The following SLC17A8 variants were observed in gnomAD, a reference collection of about 807,000 sequenced individuals.
SLC17A8 encodes vesicular glutamate transporter 3.
Under a neutral mutation model 58.0 loss-of-function variants are expected in SLC17A8, and 31 were observed. That is an observed-to-expected ratio of 0.53 (90% CI 0.40 to 0.72). The LOEUF (loss-of-function observed/expected upper bound fraction) is 0.72. Ranked by LOEUF, SLC17A8 falls within the 30% of genes least tolerant of loss-of-function variation. SLC17A8 has a pLI of 0.00. For missense variants in SLC17A8, 655 were observed against 727.8 expected (o/e 0.90, Z 1.15); for synonymous variants, 228 against 249.0 (o/e 0.92, Z 0.79).
At chr12:100,391,960 G>A (rs76282641) in intron 3 of SLC17A8, among the ~76,000 whole-genome samples, 2,223 of 152,172 alleles carry the variant, frequency 0.015, 57 homozygotes, top group African/African-American at 0.051. Flanking sequence ...ACTCTGTAGT[G>A]GGTGTTTGAG....
chr12:100,404,757 ATTATT>A (rs1952815089), intron 9 of SLC17A8, among the ~76,000 whole-genome samples: 2 of 152,216 alleles, frequency 1.3e-5, no homozygotes, highest in South Asian at 4.1e-4. Context: ...TTCTACATAC[ATTATT>A]TTATTTAATC....
intron 4 of SLC17A8, among the ~76,000 whole-genome samples, chr12:100,395,480 T>A (rs1194006831): frequency 6.6e-6 from 1 of 152,034 alleles, no homozygotes; most frequent in African/African-American, 2.4e-5. Context: ...CACATGCCAC[T>A]GCACCCGGCT....
intron 1 of SLC17A8, among the ~76,000 whole-genome samples, chr12:100,359,611 CT>C (rs1349696562): frequency 6.6e-6 from 1 of 152,116 alleles, no homozygotes; most frequent in Non-Finnish European, 1.5e-5. Context: ...GGTCAAATCC[CT>C]TTTTTCAGTG....
intron 5 of SLC17A8, 101 bp downstream of exon 5, chr12:100,396,518 G>A (rs1403804828): frequency 9.2e-6 from 8 of 869,998 alleles, no homozygotes; most frequent in Non-Finnish European, 1.5e-5. Context: ...GGAGGCCGAG[G>A]CAGGAGGATC....
chr12:100,375,367 A>T (rs942705176), intron 1 of SLC17A8, among the ~76,000 whole-genome samples: 4 of 151,952 alleles, frequency 2.6e-5, no homozygotes, highest in East Asian at 1.9e-4. Context: ...TGTAGGAGAG[A>T]GGGAAGGAAG....
At chr12:100,402,967 A>G (rs572339473) in intron 8 of SLC17A8, among the ~76,000 whole-genome samples, 6 of 152,312 alleles carry the variant, frequency 3.9e-5, no homozygotes, top group African/African-American at 1.4e-4. Context: ...GCTGCTTTAA[A>G]GATTTATGTT....
intron 1 of SLC17A8, among the ~76,000 whole-genome samples, chr12:100,380,283 A>G (rs1952625839): frequency 6.6e-6 from 1 of 151,652 alleles, no homozygotes; most frequent in South Asian, 2.1e-4. Flanking sequence ...AAAGTCTGTC[A>G]ATGCTCTTTC....
At chr12:100,360,434 T>C (rs1952477125) in intron 1 of SLC17A8, among the ~76,000 whole-genome samples, 1 of 152,152 alleles carries the variant, frequency 6.6e-6, no homozygotes, top group Non-Finnish European at 1.5e-5. Flanking sequence ...TTACTATAAT[T>C]ACAACTTTTC....
chr12:100,409,167 AT>A (rs1952848005), intron 9 of SLC17A8, among the ~76,000 whole-genome samples: 2 of 151,482 alleles, frequency 1.3e-5, no homozygotes, highest in African/African-American at 2.4e-5. Flanking sequence ...GTATGTATGT[AT>A]GTATGTATGT....
At chr12:100,376,335 T>C (rs1291132999) in intron 1 of SLC17A8, among the ~76,000 whole-genome samples, 1 of 152,160 alleles carries the variant, frequency 6.6e-6, no homozygotes, top group Non-Finnish European at 1.5e-5. Flanking sequence ...CATCTCTCAG[T>C]CCAGAGTCCA....
At chr12:100,409,476 A>T (rs751337007) in intron 9 of SLC17A8, among the ~76,000 whole-genome samples, 1 of 152,206 alleles carries the variant, frequency 6.6e-6, no homozygotes, top group Non-Finnish European at 1.5e-5. Flanking sequence ...GTGCACCACC[A>T]TGCCTGGCCA....
At chr12:100,370,675 T>C (rs1185685878) in intron 1 of SLC17A8, among the ~76,000 whole-genome samples, 1 of 147,208 alleles carries the variant, frequency 6.8e-6, no homozygotes, top group Non-Finnish European at 1.5e-5. Context: ...AAACAAAACA[T>C]GGCTATGGGC....
chr12:100,363,332 C>T (rs1421873659), intron 1 of SLC17A8, among the ~76,000 whole-genome samples: 5 of 152,122 alleles, frequency 3.3e-5, no homozygotes, highest in Non-Finnish European at 7.3e-5. Flanking sequence ...GTGTGTTCTG[C>T]CCACTGGGCA....
At chr12:100,409,514 T>G (rs1393518736) in intron 9 of SLC17A8, among the ~76,000 whole-genome samples, 1 of 152,172 alleles carries the variant, frequency 6.6e-6, no homozygotes, top group Non-Finnish European at 1.5e-5. Flanking sequence ...GCATACTACA[T>G]GCTAGACAGA....
chr12:100,358,746 G>A (rs1952464500), intron 1 of SLC17A8, among the ~76,000 whole-genome samples: 1 of 152,100 alleles, frequency 6.6e-6, no homozygotes, highest in Non-Finnish European at 1.5e-5. Context: ...TATTGTGTTG[G>A]CGTTCATTTG....
At position 100,422,018 on chromosome 12, in the gene SLC17A8, CT is replaced by C; in HGVS notation, c.*1860del. The C allele has an allele frequency of 6.6e-6, 1 of 152,128 alleles. No individual in the cohort carries two copies. Among genetic ancestry groups the C allele is most frequent in the South Asian group, 2.1e-4 (1 of 4,820 alleles). The allele number at this position is 152,128 out of a possible 1,614,324, so 9.4% of individuals were successfully genotyped here. Reference sequence around the variant, plus strand: ...CCTGGAACTTATTGTGAAAGTTGTGCTGTTTTCTAAGTAAAATAAAAAATAA... The same window carrying C: ...CCTGGAACTTATTGTGAAAGTTGTGCGTTTTCTAAGTAAAATAAAAAATAA... On this transcript the variant is annotated 3_prime_UTR_variant, in exon 12 of 12. Coordinates refer to ENST00000323346, the MANE Select transcript of SLC17A8 (RefSeq NM_139319.3).
At chr12:100,412,966 T>A in intron 10 of SLC17A8, 86 bp downstream of exon 10, 1 of 1,027,892 alleles carries the variant, frequency 9.7e-7, no homozygotes, top group South Asian at 1.3e-5. Context: ...TGTAGCACCT[T>A]CTTTCAGTAG....
At chr12:100,376,881 C>T (rs1484462266) in intron 1 of SLC17A8, among the ~76,000 whole-genome samples, 1 of 152,142 alleles carries the variant, frequency 6.6e-6, no homozygotes, top group African/African-American at 2.4e-5. Context: ...GCAATCTCAG[C>T]TCACTGTAAC....
intron 1 of SLC17A8, among the ~76,000 whole-genome samples, chr12:100,372,052 G>A (rs979812442): frequency 6.6e-6 from 1 of 152,164 alleles, no homozygotes; most frequent in South Asian, 2.1e-4. Context: ...CAGTAGAATA[G>A]CAACTCAAGG....
Sources: allele counts gnomAD v4.1 joint callset (sites outside exome capture counted in the v4.1 genomes callset), GRCh38; gene constraint gnomAD v4.1.1; transcripts MANE v1.5; gene names NCBI Gene and HGNC (gene_info 2026-07-23, HGNC 2026-07-21).